PLEKHA8: variants seen among roughly 807,000 people sequenced by gnomAD.
PLEKHA8 encodes the protein pleckstrin homology domain containing A8.
PLEKHA8 carries 36 observed loss-of-function variants against 68.2 expected under a neutral mutation model. The ratio of observed to expected loss-of-function variants is 0.53; its 90% confidence interval spans 0.40 to 0.70. The LOEUF (loss-of-function observed/expected upper bound fraction) is 0.70. PLEKHA8 is among the 30% of genes least tolerant of loss of function. The pLI, the probability that PLEKHA8 is intolerant of heterozygous loss-of-function variation, is 0.00. For missense variants in PLEKHA8, 505 were observed against 615.4 expected (o/e 0.82, Z 1.90); for synonymous variants, 211 against 216.1 (o/e 0.98, Z 0.20).
intron 13 of PLEKHA8, among the ~76,000 whole-genome samples, chr7:30,115,099 G>A (rs944737085): frequency 6.6e-6 from 1 of 152,000 alleles, no homozygotes; most frequent in Non-Finnish European, 1.5e-5. Context: ...TTCTCTCTTT[G>A]TTACTGACAC....
chr7:30,060,781 T>A, intron 9 of PLEKHA8, 103 bp from the exon 10 acceptor site: 6 of 894,196 alleles, frequency 6.7e-6, no homozygotes, highest in Non-Finnish European at 1.0e-5. Context: ...GAAGCAAAAA[T>A]TAAAGTTGTT....
downstream of PLEKHA8, among the ~76,000 whole-genome samples, chr7:30,087,367 A>G (rs1253495567): frequency 2.6e-5 from 4 of 152,158 alleles, no homozygotes; most frequent in Admixed American, 2.6e-4. Flanking sequence ...TACTTCAGGC[A>G]CAGGTCACTC....
Position 30,080,655 on chromosome 7 carries a change from A to G in PLEKHA8, c.*1868A>G. ...GAAAAATCAACATCACATGTTTTAA[A>G]GCTAGGGAGAAAGAAGGGGGGTATT... On this transcript the variant is annotated 3_prime_UTR_variant, in exon 14 of 14. Transcript: ENST00000449726. 1.0e-6 allele frequency: 1 copy of G among 985,370 alleles called. No individual in the cohort carries two copies. Among genetic ancestry groups the G allele is most frequent in the Non-Finnish European group, 1.2e-6 (1 of 829,908 alleles). The allele number at this position is 985,370 out of a possible 1,614,324, so 61.0% of individuals were successfully genotyped here.
chr7:30,079,532 A>G lies in PLEKHA8; in HGVS notation c.*745A>G, dbSNP rs1425301063. ...CCTACCATTTACCAGCATGTTCCCC[A>G]TGCATTATCTCAATTGGACATCACA... is the stretch of plus-strand genomic sequence containing the variant. On this transcript the variant is annotated 3_prime_UTR_variant, in exon 14 of 14. Transcript: ENST00000449726. 1 of 955,060 alleles carries G rather than the reference A, an allele frequency of 1.0e-6. No individual in the cohort carries two copies. The highest frequency in any genetic ancestry group is 1.8e-5 in the African/African-American group (1 of 56,638). The allele number at this position is 955,060 out of a possible 1,614,324, so 59.2% of individuals were successfully genotyped here.
At chr7:30,116,466 C>G (rs1011779717) in intron 13 of PLEKHA8, among the ~76,000 whole-genome samples, 1 of 152,114 alleles carries the variant, frequency 6.6e-6, no homozygotes, top group African/African-American at 2.4e-5. Flanking sequence ...AGAAAAACTT[C>G]TGCCTTAGAA....
chr7:30,056,331 T>TATATATAA (rs1562870092), intron 9 of PLEKHA8, among the ~76,000 whole-genome samples: 2 of 130,438 alleles, frequency 1.5e-5, no homozygotes, highest in Non-Finnish European at 1.6e-5. Context: ...TATATATATA[T>TATATATAA]AAATAACATA....
chr7:30,097,048 C>G (rs561365076), intron 13 of PLEKHA8, among the ~76,000 whole-genome samples: 174 of 152,232 alleles, frequency 1.1e-3, no homozygotes, highest in African/African-American at 3.4e-3. Context: ...TCAGCATTTG[C>G]TTGTCTGTAA....
At chr7:30,116,124 GTGTATACATA>G (rs1255314342) in intron 13 of PLEKHA8, 10 of 149,324 alleles carry the variant, frequency 6.7e-5, no homozygotes, top group Admixed American at 5.9e-4. Flanking sequence ...ACGTATACAT[GTGTATACATA>G]TGTATACATA....
intron 13 of PLEKHA8, 148 bp downstream of exon 13, chr7:30,074,280 G>GTAT: frequency 8.7e-6 from 5 of 577,316 alleles, no homozygotes; most frequent in African/African-American, 1.9e-5. Flanking sequence ...GTGTATGTGT[G>GTAT]GTGTTTTTGT....
chr7:30,102,771 G>GT (rs1795897787), intron 13 of PLEKHA8, among the ~76,000 whole-genome samples: 2 of 152,242 alleles, frequency 1.3e-5, no homozygotes, highest in Non-Finnish European at 2.9e-5. Flanking sequence ...AGGGCACCCA[G>GT]GTGTGGTGGC....
downstream of PLEKHA8, among the ~76,000 whole-genome samples, chr7:30,087,456 A>C (rs779352491): frequency 1.3e-5 from 2 of 152,182 alleles, no homozygotes; most frequent in Non-Finnish European, 2.9e-5. Flanking sequence ...CCTTCACCTG[A>C]AACCCCAAAG....
chr7:30,028,617 G>A lies in PLEKHA8; in HGVS notation c.-146G>A, dbSNP rs909884482. 4 of 515,992 alleles carry A rather than the reference G, an allele frequency of 7.8e-6. No homozygotes were observed. The highest frequency in any genetic ancestry group is 1.1e-3 in the Middle Eastern group (2 of 1,828). 32.0% of individuals were successfully genotyped at this position (515,992 alleles called of 1,614,324 possible). A position where few individuals can be genotyped will look rare whatever the true frequency, so the allele number is the denominator to read the frequency against. ...CCCCCGGGCCGAGGATGTGAGGCGG[G>A]CCGGGCGTCCCCACACCGGGCCCGG... On this transcript the variant is annotated 5_prime_UTR_variant, in exon 1 of 14. Transcript: ENST00000449726.
chr7:30,126,373 C>T (rs1443042286), intron 13 of PLEKHA8, among the ~76,000 whole-genome samples: 2 of 152,216 alleles, frequency 1.3e-5, no homozygotes, highest in Non-Finnish European at 2.9e-5. Context: ...CAGTCAAGAT[C>T]TCTAGGACTC....
rs890398121 is a variant in PLEKHA8, at chr7:30,028,505, G to T, written c.-258G>T. 5 of 360,354 alleles carry T rather than the reference G, an allele frequency of 1.4e-5. No individual in the cohort carries two copies. The highest frequency in any genetic ancestry group is 2.1e-5 in the African/African-American group (1 of 47,176). The allele number at this position is 360,354 out of a possible 1,614,324, so 22.3% of individuals were successfully genotyped here. ...CGACCCACGTAGGGCCCGGACCCGG[G>T]CCTCCTTGTGAACAGCGTGCCGGCT... On this transcript the variant is annotated 5_prime_UTR_variant, in exon 1 of 14. Coordinates refer to ENST00000449726, the MANE Select transcript of PLEKHA8 (RefSeq NM_001197026.2).
chr7:30,096,691 T>G (rs1011104659), intron 13 of PLEKHA8, among the ~76,000 whole-genome samples: 1 of 152,202 alleles, frequency 6.6e-6, no homozygotes, highest in Non-Finnish European at 1.5e-5. Flanking sequence ...TAGATCTTCC[T>G]CCATCCCTTT....
At chr7:30,040,955 C>G (rs936939829) in intron 1 of PLEKHA8, among the ~76,000 whole-genome samples, 1 of 152,218 alleles carries the variant, frequency 6.6e-6, no homozygotes, top group Non-Finnish European at 1.5e-5. Flanking sequence ...GGGAGTAGTA[C>G]AGACCAACAG....
At position 30,056,308 on chromosome 7, in the gene PLEKHA8, C is replaced by CTATATA. The variant is rs1231941889; in HGVS notation, c.1039+967_1039+968insATATAT. Among the ~76,000 whole-genome samples, 33 of 83,210 alleles carry CTATATA rather than the reference C, an allele frequency of 4.0e-4. 1 individual carries two copies. The highest frequency in any genetic ancestry group is 3.5e-3 in the South Asian group (7 of 1,992). 54.6% of individuals were successfully genotyped at this position (83,210 alleles called of 152,430 possible). A position where few individuals can be genotyped will look rare whatever the true frequency, so the allele number is the denominator to read the frequency against. On this transcript the variant is annotated intron_variant, in intron 9 of 13. Coordinates refer to ENST00000449726, the MANE Select transcript of PLEKHA8 (RefSeq NM_001197026.2). The stretch of plus-strand genomic sequence containing the variant: ...TCTCTCTCTCTCTCTCTCTCTCTCT[C>CTATATA]TCTCTATATATATATATATATATAA...
chr7:30,052,848 A>G lies in PLEKHA8; in HGVS notation c.778A>G (p.Thr260Ala). The change falls in exon 7 of 14, where the codon ACA becomes GCA. Residue 260 changes from threonine (T) to alanine (A), a missense_variant. By Grantham distance (58) the Thr-to-Ala change is moderately conservative (BLOSUM62 0). Coordinates refer to ENST00000449726, the MANE Select transcript of PLEKHA8 (RefSeq NM_001197026.2). ...IDCSISSEEN[T>A]DDNITVQGEI... ...CTGCAGCATATCAAGTGAGGAAAAT[A>G]CAGATGATAATATAACAGGTAAAAA... 2 of 1,577,490 alleles carry G rather than the reference A, an allele frequency of 1.3e-6. No homozygotes were observed. The highest frequency in any genetic ancestry group is 4.5e-5 in the East Asian group (2 of 44,288).
chr7:30,029,081 T>C (rs977380567), intron 1 of PLEKHA8, among the ~76,000 whole-genome samples: 1 of 152,188 alleles, frequency 6.6e-6, no homozygotes, highest in Non-Finnish European at 1.5e-5. Context: ...GGCACGGTGC[T>C]CTTGATGTCA....
Sources: gnomAD v4.1 joint callset for allele counts (sites outside exome capture counted in the v4.1 genomes callset) on GRCh38, gnomAD v4.1.1 for gene constraint, MANE v1.5 for transcripts, NCBI Gene and HGNC (gene_info 2026-07-23, HGNC 2026-07-21) for gene names.